The following ATP9B variants were observed in gnomAD, a reference collection of about 807,000 sequenced individuals.
The protein encoded by ATP9B is ATPase phospholipid transporting 9B, also known as probable phospholipid-transporting ATPase IIB.
A neutral mutation model predicts 146.1 loss-of-function variants in ATP9B; 110 were observed. That is an observed-to-expected ratio of 0.75 (90% CI 0.65 to 0.88). The LOEUF (loss-of-function observed/expected upper bound fraction) is 0.88. Ranked by LOEUF, ATP9B falls within the 40% of genes least tolerant of loss-of-function variation. The pLI, the probability that ATP9B is intolerant of heterozygous loss-of-function variation, is 0.00. For synonymous variants in ATP9B, 604 were observed against 569.7 expected, an observed-to-expected ratio of 1.06 and a Z score of -0.86; for missense variants, 1,499 against 1,496.4, an observed-to-expected ratio of 1.00 and a Z score of -0.03.
chr18:79,204,093 T>C (rs1337012939), intron 9 of ATP9B, among the ~76,000 whole-genome samples: 1 of 152,234 alleles, frequency 6.6e-6, no homozygotes, highest in Non-Finnish European at 1.5e-5. Flanking sequence ...TTTTCTGGAT[T>C]GTTTATCTTA....
intron 1 of ATP9B, among the ~76,000 whole-genome samples, chr18:79,074,342 C>A (rs1199804226): frequency 6.6e-6 from 1 of 152,184 alleles, no homozygotes; most frequent in African/African-American, 2.4e-5. Flanking sequence ...CCTGGTGTGT[C>A]TGGGTTGGAG....
At chr18:79,224,933 C>T (rs1304719529) in intron 11 of ATP9B, among the ~76,000 whole-genome samples, 1 of 152,212 alleles carries the variant, frequency 6.6e-6, no homozygotes, top group East Asian at 1.9e-4. Context: ...AAAGGGCGAC[C>T]TGTCTCCAGC....
intron 13 of ATP9B, among the ~76,000 whole-genome samples, chr18:79,293,557 A>G (rs1438897095): frequency 6.6e-6 from 1 of 152,178 alleles, no homozygotes; most frequent in Non-Finnish European, 1.5e-5. Flanking sequence ...GACTCTGCAG[A>G]GAGTCCCCAC....
intron 28 of ATP9B, 61 bp downstream of exon 28, chr18:79,374,162 T>G (rs2097089595): frequency 6.5e-7 from 1 of 1,532,446 alleles, no homozygotes; most frequent in African/African-American, 1.4e-5. Flanking sequence ...AAGTATTTTC[T>G]TATTGTTGCT....
At position 79,373,103 on chromosome 18, in the gene ATP9B, T is replaced by G. The variant is rs962430043; in HGVS notation, c.3070+221T>G. On this transcript the variant is annotated intron_variant, in intron 27 of 29. Transcript: ENST00000426216. ...ACCTAAAAACTGACTTAGTTTTTAA[T>G]TAAATGTTAATCCAGAAAGATTTTA... is the stretch of plus-strand genomic sequence containing the variant. Among the ~76,000 whole-genome samples the G allele has an allele frequency of 2.6e-5, 4 of 152,084 alleles. No homozygotes were observed. The highest frequency in any genetic ancestry group is 9.7e-5 in the African/African-American group (4 of 41,396).
intron 7 of ATP9B, among the ~76,000 whole-genome samples, chr18:79,157,205 A>T (rs915649407): frequency 1.4e-3 from 139 of 101,160 alleles, no homozygotes; most frequent in Admixed American, 3.3e-3. Flanking sequence ...TACTAAAAAA[A>T]ATACACACAC....
chr18:79,307,726 A>G (rs1172202003), intron 15 of ATP9B, among the ~76,000 whole-genome samples: 1 of 152,258 alleles, frequency 6.6e-6, no homozygotes, highest in Non-Finnish European at 1.5e-5. Context: ...CAGAAATGGT[A>G]AGATCTTAAA....
In ATP9B at chr18:79,324,965, G is replaced by C. The variant is rs1016926867; in HGVS notation, c.1774-4176G>C. 7.2e-5 allele frequency among the ~76,000 whole-genome samples: 11 copies of C among 152,356 alleles called. No homozygotes were observed. The East Asian group carries it at 2.1e-3, about 29-fold the overall frequency. On this transcript the variant is annotated intron_variant, in intron 15 of 29. Transcript: ENST00000426216. ...AGCAGGTTTTGAAGTGTGTTCAGCA[G>C]CTGGGGCTGTGGAGTAAACCAGTGG...
chr18:79,070,868 T>G (rs542891529), intron 1 of ATP9B, among the ~76,000 whole-genome samples: 52 of 152,342 alleles, frequency 3.4e-4, no homozygotes, highest in Non-Finnish European at 7.5e-4. Context: ...TCAACTTACC[T>G]ATGTTGAATT....
chr18:79,256,981 C>T (rs181623965), intron 12 of ATP9B, among the ~76,000 whole-genome samples: 3 of 152,228 alleles, frequency 2.0e-5, no homozygotes, highest in East Asian at 3.9e-4. Context: ...AAATACAGTG[C>T]GTATTATTCA....
intron 8 of ATP9B, among the ~76,000 whole-genome samples, chr18:79,177,175 G>C (rs4074543): frequency 0.58 from 87,963 of 151,906 alleles, 27,126 homozygotes; most frequent in African/African-American, 0.8. Context: ...CTTCCTCCCT[G>C]TCCTTGCCCC....
intron 11 of ATP9B, among the ~76,000 whole-genome samples, chr18:79,251,148 G>A (rs2096018712): frequency 6.6e-6 from 1 of 152,218 alleles, no homozygotes. Context: ...GTGTCCTCAG[G>A]AGTCTTACAC....
chr18:79,334,677 G>A (rs1384763188), intron 17 of ATP9B, among the ~76,000 whole-genome samples: 3 of 152,074 alleles, frequency 2.0e-5, no homozygotes, highest in African/African-American at 7.2e-5. Flanking sequence ...TCCCCCAGAC[G>A]TTGGCCCCTT....
At chr18:79,089,543 C>T (rs1319931943) in intron 1 of ATP9B, among the ~76,000 whole-genome samples, 1 of 152,128 alleles carries the variant, frequency 6.6e-6, no homozygotes, top group African/African-American at 2.4e-5. Flanking sequence ...CTCCAGATGT[C>T]ACTACTTGGG....
At chr18:79,248,967 A>G (rs145799381) in intron 11 of ATP9B, among the ~76,000 whole-genome samples, 20 of 152,164 alleles carry the variant, frequency 1.3e-4, no homozygotes, top group African/African-American at 4.8e-4. Context: ...TGCCGTGTAC[A>G]TTGATTGCTT....
chr18:79,072,565 A>G (rs1166146764), intron 1 of ATP9B, among the ~76,000 whole-genome samples: 1 of 130,970 alleles, frequency 7.6e-6, no homozygotes, highest in Non-Finnish European at 1.8e-5. Flanking sequence ...ACACAGACAC[A>G]GTAACAATCT....
chr18:79,233,283 T>C (rs1425218249), intron 11 of ATP9B, among the ~76,000 whole-genome samples: 1 of 151,514 alleles, frequency 6.6e-6, no homozygotes, highest in Non-Finnish European at 1.5e-5. Context: ...AGAGGTGTTG[T>C]CTCAAGAAAA....
Position 79,113,289 on chromosome 18 carries a change from A to C in ATP9B, c.493A>C (p.Ile165Leu). Reference protein sequence around the residue: ...KFFLNLYFLVISCSQFVPALK... With the variant: ...KFFLNLYFLVLSCSQFVPALK... ...TTTCTTGAATCTCTATTTTCTAGTA[A>C]TATCCTGCTCACAGTTTGTACCAGC... Residue 165 changes from isoleucine to leucine, a missense_variant, in exon 4 of 30, where the codon ATA becomes CTA. By Grantham distance (5) the Ile-to-Leu change is conservative (BLOSUM62 2). Transcript: ENST00000426216. 1.2e-6 allele frequency: 2 copies of C among 1,602,376 alleles called. No homozygotes were observed. Among genetic ancestry groups the C allele is most frequent in the African/African-American group, 2.7e-5 (2 of 74,798 alleles).
intron 6 of ATP9B, among the ~76,000 whole-genome samples, chr18:79,150,282 A>C (rs1055729649): frequency 6.6e-6 from 1 of 152,196 alleles, no homozygotes; most frequent in Non-Finnish European, 1.5e-5. Context: ...CAAATAATAC[A>C]GTTATCCTGG....
Sources: allele counts gnomAD v4.1 joint callset (sites outside exome capture counted in the v4.1 genomes callset), GRCh38; gene constraint gnomAD v4.1.1; transcripts MANE v1.5; gene names NCBI Gene and HGNC (gene_info 2026-07-23, HGNC 2026-07-21).